The following TSPAN2 variants were observed in gnomAD, a reference collection of about 807,000 sequenced individuals.
TSPAN2 encodes tetraspanin 2.
In TSPAN2, 24 loss-of-function variants were observed where a neutral mutation model predicts 33.3. The ratio of observed to expected loss-of-function variants is 0.72; its 90% CI spans 0.52 to 1.01. The LOEUF is 1.01. Among genes scored for constraint, TSPAN2 ranks in the 50% least tolerant of loss-of-function variants. The probability of loss-of-function intolerance (pLI) is 0.00; values close to 1 mark genes in which losing one functional copy is unlikely to be tolerated. For synonymous variants in TSPAN2, 114 were observed against 104.5 expected, an observed-to-expected ratio of 1.09 and a Z score of -0.56; for missense variants, 278 against 281.3, an observed-to-expected ratio of 0.99 and a Z score of 0.08.
intron 4 of TSPAN2, among the ~76,000 whole-genome samples, chr1:115,059,984 AC>A (rs1197706501): frequency 6.6e-6 from 1 of 152,104 alleles, no homozygotes; most frequent in Non-Finnish European, 1.5e-5. Flanking sequence ...CCCCCCGATA[AC>A]CTATTCTGGA....
intron 1 of TSPAN2, among the ~76,000 whole-genome samples, chr1:115,087,347 G>A (rs1451965744): frequency 6.6e-6 from 1 of 151,840 alleles, no homozygotes; most frequent in African/African-American, 2.4e-5. Context: ...CAGGCGCGGT[G>A]GCTCACGCCT....
intron 2 of TSPAN2, 74 bp downstream of exon 2, chr1:115,072,831 T>C: frequency 7.7e-7 from 1 of 1,305,246 alleles, no homozygotes; most frequent in Non-Finnish European, 1.1e-6. Flanking sequence ...AAAGTTCAAG[T>C]GCAGCTTCTG....
chr1:115,087,939 A>C (rs1648907942), intron 1 of TSPAN2, among the ~76,000 whole-genome samples: 1 of 152,226 alleles, frequency 6.6e-6, no homozygotes, highest in African/African-American at 2.4e-5. Flanking sequence ...AAAACTTCAT[A>C]AGGCTTTGAA....
At chr1:115,061,539 AT>A (rs1377662440) in intron 3 of TSPAN2, among the ~76,000 whole-genome samples, 2 of 151,894 alleles carry the variant, frequency 1.3e-5, no homozygotes, top group African/African-American at 4.8e-5. Flanking sequence ...ACTGTGAAAT[AT>A]TTTTTTTTAA....
In TSPAN2 at chr1:115,053,370, CT is replaced by C. The variant is rs1557875489; in HGVS notation, c.600+8del. 1.2e-6 allele frequency: 2 copies of C among 1,613,498 alleles called. No homozygotes were observed. The highest frequency in any genetic ancestry group is 1.1e-5 in the South Asian group (1 of 91,066). ...AGGGCAAAAAGGGTAAGTTCTAGAA[CT>C]TTCTCACCGTCAGACCTGCAATTCC... On this transcript the variant is annotated splice_region_variant and intron_variant, in intron 7 of 7. Transcript: ENST00000369516.
intron 1 of TSPAN2, among the ~76,000 whole-genome samples, chr1:115,086,427 T>C (rs1033966138): frequency 6.6e-6 from 1 of 152,226 alleles, no homozygotes; most frequent in Admixed American, 6.5e-5. Flanking sequence ...CGTCACCCCC[T>C]CGCTTTGCCC....
intron 2 of TSPAN2, 86 bp from the exon 3 acceptor site, chr1:115,062,318 A>T (rs1176576552): frequency 9.9e-7 from 1 of 1,008,078 alleles, no homozygotes; most frequent in Admixed American, 2.2e-5. Context: ...GGCACTGCAG[A>T]GCATTCTAAT....
At chr1:115,074,474 C>T (rs1270423279) in intron 1 of TSPAN2, among the ~76,000 whole-genome samples, 2 of 152,012 alleles carry the variant, frequency 1.3e-5, no homozygotes, top group East Asian at 1.9e-4. Flanking sequence ...TAAAAGTTTC[C>T]AGTACTTAGA....
chr1:115,085,313 A>G (rs1347215141), intron 1 of TSPAN2, among the ~76,000 whole-genome samples: 1 of 152,222 alleles, frequency 6.6e-6, no homozygotes, highest in African/African-American at 2.4e-5. Flanking sequence ...GAGTACAGTC[A>G]GCGGCCCTGG....
At chr1:115,080,266 C>T (rs761077048) in intron 1 of TSPAN2, among the ~76,000 whole-genome samples, 9 of 152,098 alleles carry the variant, frequency 5.9e-5, no homozygotes, top group African/African-American at 1.4e-4. Flanking sequence ...AGGAGAAAGA[C>T]GATGGCTGTG....
At chr1:115,057,671 AC>A (rs1220276816) in intron 5 of TSPAN2, 63 bp from the exon 6 acceptor site, 2 of 1,532,662 alleles carry the variant, frequency 1.3e-6, no homozygotes, top group Admixed American at 1.7e-5. Flanking sequence ...AAGTCTGGGC[AC>A]CCTGCTAAGG....
intron 1 of TSPAN2, among the ~76,000 whole-genome samples, chr1:115,080,516 C>G (rs1648585974): frequency 6.6e-6 from 1 of 152,168 alleles, no homozygotes; most frequent in South Asian, 2.1e-4. Flanking sequence ...CACAAGTGAT[C>G]CTCTTGCCTC....
At chr1:115,070,374 CTTT>C (rs35027846) in intron 2 of TSPAN2, among the ~76,000 whole-genome samples, 1 of 139,330 alleles carries the variant, frequency 7.2e-6, no homozygotes, top group Non-Finnish European at 1.5e-5. Flanking sequence ...CAATAATCTG[CTTT>C]TTTTTTTTTT....
intron 1 of TSPAN2, among the ~76,000 whole-genome samples, chr1:115,079,941 G>A (rs551506218): frequency 8.5e-5 from 13 of 152,290 alleles, no homozygotes; most frequent in African/African-American, 3.1e-4. Context: ...ATAAAATCAG[G>A]AGTGTTCCAT....
At chr1:115,053,541 C>CACAGAATGAACTG in intron 6 of TSPAN2, 79 bp from the exon 7 acceptor site, 1 of 1,204,352 alleles carries the variant, frequency 8.3e-7, no homozygotes. Flanking sequence ...CTTTCCATCT[C>CACAGAATGAACTG]TACAGTTCAT....
intron 6 of TSPAN2, 150 bp from the exon 7 acceptor site, chr1:115,053,612 A>G: frequency 1.4e-6 from 1 of 694,008 alleles, no homozygotes; most frequent in Non-Finnish European, 2.4e-6. Context: ...CTTTGATAAC[A>G]TCATCCTAAT....
chr1:115,057,340 C>T (rs903692075), intron 6 of TSPAN2, among the ~76,000 whole-genome samples, 197 bp downstream of exon 6: 1 of 152,234 alleles, frequency 6.6e-6, no homozygotes, highest in African/African-American at 2.4e-5. Flanking sequence ...TCTTTAACAT[C>T]TCTTGCTAAC....
intron 5 of TSPAN2, 78 bp from the exon 6 acceptor site, chr1:115,057,686 G>A: frequency 1.4e-6 from 2 of 1,391,858 alleles, no homozygotes; most frequent in Admixed American, 1.7e-5. Context: ...GCTAAGGACT[G>A]GGGTGCCGAG....
At chr1:115,064,417 A>G (rs1175017697) in intron 2 of TSPAN2, among the ~76,000 whole-genome samples, 1 of 152,226 alleles carries the variant, frequency 6.6e-6, no homozygotes, top group Admixed American at 6.5e-5. Context: ...CAGATCTATC[A>G]TGAAGTCACA....
Sources: gnomAD v4.1 joint callset for allele counts (sites outside exome capture counted in the v4.1 genomes callset) on GRCh38, gnomAD v4.1.1 for gene constraint, MANE v1.5 for transcripts, NCBI Gene and HGNC (gene_info 2026-07-23, HGNC 2026-07-21) for gene names.